The following CTCF variants were observed in gnomAD, a reference collection of about 807,000 sequenced individuals.
CTCF encodes transcriptional repressor CTCF.
A neutral mutation model predicts 72.3 loss-of-function variants in CTCF; 7 were observed. That is an observed-to-expected ratio of 0.10 (90% confidence interval 0.06 to 0.18). CTCF has a LOEUF of 0.18. Ranked by LOEUF, CTCF falls within the 10% of genes least tolerant of loss-of-function variation. CTCF has a pLI of 1.00. For synonymous variants in CTCF, 374 were observed against 315.8 expected, an observed-to-expected ratio of 1.18 and a Z score of -1.95; for missense variants, 516 against 949.1, an observed-to-expected ratio of 0.54 and a Z score of 6.00.
At chr16:67,602,722 TC>T (rs1489310275) in intron 2 of CTCF, among the ~76,000 whole-genome samples, 3 of 151,192 alleles carry the variant, frequency 2.0e-5, no homozygotes, top group African/African-American at 7.3e-5. Context: ...ATGCCTGTAA[TC>T]CCAGCTACTC....
At chr16:67,593,320 A>C (rs1215713705) in intron 2 of CTCF, among the ~76,000 whole-genome samples, 6 of 151,894 alleles carry the variant, frequency 4.0e-5, no homozygotes, top group Non-Finnish European at 8.8e-5. Flanking sequence ...GTACCCAATG[A>C]TTAGTTTTGC....
intron 9 of CTCF, 111 bp downstream of exon 9, chr16:67,628,663 C>T (rs941174300): frequency 9.0e-7 from 1 of 1,112,174 alleles, no homozygotes. Flanking sequence ...AGAGATGCTC[C>T]ATTGTTTGGA....
chr16:67,625,315 C>T (rs1368459664), intron 7 of CTCF, among the ~76,000 whole-genome samples: 2 of 152,232 alleles, frequency 1.3e-5, no homozygotes, highest in African/African-American at 2.4e-5. Flanking sequence ...CTCAGCCTCC[C>T]GAGTAGCTGG....
chr16:67,604,745 G>GTTTTTTTTTTTTTTTTTTTTTTTTTT (rs1008114398), intron 2 of CTCF, among the ~76,000 whole-genome samples: 1 of 103,278 alleles, frequency 9.7e-6, no homozygotes, highest in Non-Finnish European at 1.9e-5. Flanking sequence ...TTTTTTTTTT[G>GTTTTTTTTTTTTTTTTTTTTTTTTTT]TTTTTTGTTT....
intron 2 of CTCF, among the ~76,000 whole-genome samples, chr16:67,572,118 A>T (rs2051430141): frequency 6.6e-6 from 1 of 152,228 alleles, no homozygotes. Context: ...CATCTAAATG[A>T]CTACTAAGAT....
chr16:67,570,927 CTTTATATAT>C (rs2051410324), intron 1 of CTCF: 1 of 151,722 alleles, frequency 6.6e-6, no homozygotes, highest in Non-Finnish European at 1.5e-5. Context: ...ACCTTTAGTC[CTTTATATAT>C]TTAGCAAATG....
At chr16:67,618,377 G>C (rs1266797188) in intron 5 of CTCF, among the ~76,000 whole-genome samples, 2 of 152,180 alleles carry the variant, frequency 1.3e-5, no homozygotes, top group African/African-American at 4.8e-5. Context: ...ACTCCAGCCT[G>C]GGTGATGAGT....
At chr16:67,621,923 A>G (rs991984934) in intron 7 of CTCF, among the ~76,000 whole-genome samples, 2 of 152,118 alleles carry the variant, frequency 1.3e-5, no homozygotes, top group African/African-American at 4.8e-5. Context: ...AGTGTGATTC[A>G]AACTCAGGTC....
At chr16:67,588,801 A>G (rs1402791672) in intron 2 of CTCF, among the ~76,000 whole-genome samples, 1 of 152,000 alleles carries the variant, frequency 6.6e-6, no homozygotes, top group Non-Finnish European at 1.5e-5. Flanking sequence ...ATTCTCATGC[A>G]TCAGCCTCCC....
At chr16:67,591,951 G>A (rs1333752926) in intron 2 of CTCF, among the ~76,000 whole-genome samples, 2 of 151,914 alleles carry the variant, frequency 1.3e-5, no homozygotes, top group Non-Finnish European at 2.9e-5. Context: ...GGGCTCAAAC[G>A]ATTCTCTTGG....
chr16:67,591,812 GCGATCC>G (rs933987322), intron 2 of CTCF, among the ~76,000 whole-genome samples: 4 of 152,066 alleles, frequency 2.6e-5, no homozygotes, highest in African/African-American at 9.7e-5. Flanking sequence ...CTGGGCTCAG[GCGATCC>G]TCCCGCCTCA....
chr16:67,583,274 A>G (rs1287093663), intron 2 of CTCF, among the ~76,000 whole-genome samples: 1 of 152,056 alleles, frequency 6.6e-6, no homozygotes, highest in Non-Finnish European at 1.5e-5. Flanking sequence ...GGCATGAGCC[A>G]TGGCGCCCAG....
intron 2 of CTCF, among the ~76,000 whole-genome samples, chr16:67,594,963 A>G (rs554953592): frequency 1.3e-5 from 2 of 152,326 alleles, no homozygotes; most frequent in African/African-American, 2.4e-5. Context: ...ACAAGACATC[A>G]GATACTGATA....
At chr16:67,567,735 C>T (rs192233131) in intron 1 of CTCF, among the ~76,000 whole-genome samples, 3 of 151,196 alleles carry the variant, frequency 2.0e-5, no homozygotes, top group African/African-American at 7.3e-5. Context: ...GTACTATAGG[C>T]GTGTGCCACC....
intron 5 of CTCF, among the ~76,000 whole-genome samples, chr16:67,617,316 G>A (rs957407095): frequency 4.6e-5 from 7 of 151,986 alleles, no homozygotes; most frequent in African/African-American, 7.3e-5. Context: ...TGGCTAAAAC[G>A]GTGAAACCCT....
intron 2 of CTCF, among the ~76,000 whole-genome samples, chr16:67,596,102 C>T (rs766852018): frequency 2.0e-5 from 3 of 151,948 alleles, no homozygotes; most frequent in Non-Finnish European, 4.4e-5. Flanking sequence ...TATAGGTGCA[C>T]GCCGCCATGC....
rs1280254036 is a variant in CTCF at position 67,637,994 on chromosome 16, G to A, written c.*122G>A. On this transcript the variant is annotated 3_prime_UTR_variant, in exon 12 of 12. Transcript: ENST00000264010. ...AAAGCATCATTTTACCAAACATACC[G>A]AGAACGAAAACTTCAAGGATGATGT... The A allele has an allele frequency of 1.3e-5, 12 of 890,542 alleles. No homozygotes were observed. Among genetic ancestry groups the A allele is most frequent in the South Asian group, 4.0e-5 (2 of 50,230 alleles). 55.2% of individuals were successfully genotyped at this position (890,542 alleles called of 1,614,324 possible). A position where few individuals can be genotyped will look rare whatever the true frequency, so the allele number is the denominator to read the frequency against.
chr16:67,581,229 G>A (rs1319077131), intron 2 of CTCF, among the ~76,000 whole-genome samples: 3 of 151,926 alleles, frequency 2.0e-5, no homozygotes, highest in African/African-American at 7.3e-5. Flanking sequence ...CACCTGGCCC[G>A]GCCTTACTTA....
chr16:67,617,013 A>AC, intron 5 of CTCF, 135 bp downstream of exon 5: 1 of 841,958 alleles, frequency 1.2e-6, no homozygotes, highest in South Asian at 1.7e-5. Flanking sequence ...CTCCCACACA[A>AC]CACCGCTCCC....
Sources: gnomAD v4.1 joint callset for allele counts (sites outside exome capture counted in the v4.1 genomes callset) on GRCh38, gnomAD v4.1.1 for gene constraint, MANE v1.5 for transcripts, NCBI Gene and HGNC (gene_info 2026-07-23, HGNC 2026-07-21) for gene names.